The following CANX variants were observed in gnomAD, a reference collection of about 807,000 sequenced individuals.
CANX encodes calnexin.
CANX carries 14 observed loss-of-function variants against 75.7 expected under a neutral mutation model. The ratio of observed to expected loss-of-function variants is 0.19; its 90% CI spans 0.12 to 0.29. CANX has a LOEUF of 0.29. CANX is among the 10% of genes least tolerant of loss of function. The pLI, the probability that CANX is intolerant of heterozygous loss-of-function variation, is 1.00. For missense variants in CANX, 567 were observed against 713.2 expected (o/e 0.79, Z 2.34); for synonymous variants, 227 against 236.9 (o/e 0.96, Z 0.38).
At chr5:179,691,851 C>T (rs577691823) in intron 1 of CANX, among the ~76,000 whole-genome samples, 6 of 152,084 alleles carry the variant, frequency 3.9e-5, no homozygotes, top group Non-Finnish European at 8.8e-5. Flanking sequence ...GAACTCAGCT[C>T]ACTGCAAGCT....
intron 1 of CANX, among the ~76,000 whole-genome samples, chr5:179,684,685 G>A (rs1172559100): frequency 2.0e-5 from 3 of 151,560 alleles, no homozygotes; most frequent in African/African-American, 4.8e-5. Context: ...CTAAATTGTG[G>A]GGTTTTTGCT....
chr5:179,694,772 A>G, upstream of CANX: 2 of 570,240 alleles, frequency 3.5e-6, no homozygotes, highest in Non-Finnish European at 3.1e-6. Flanking sequence ...TGAATAAACA[A>G]AGTGTTTATC....
upstream of CANX, among the ~76,000 whole-genome samples, chr5:179,697,158 G>A (rs1367697550): frequency 6.6e-6 from 1 of 152,054 alleles, no homozygotes; most frequent in Non-Finnish European, 1.5e-5. Flanking sequence ...TCAATCAGGA[G>A]TCAAGGATAC....
chr5:179,711,857 G>A (rs2113182902), intron 7 of CANX, among the ~76,000 whole-genome samples: 1 of 151,452 alleles, frequency 6.6e-6, no homozygotes, highest in East Asian at 1.9e-4. Context: ...CAGCACGATG[G>A]GAGGCTGAGG....
At chr5:179,688,597 T>G (rs1343434552) in intron 1 of CANX, among the ~76,000 whole-genome samples, 1 of 151,066 alleles carries the variant, frequency 6.6e-6, no homozygotes, top group Non-Finnish European at 1.5e-5. Context: ...TCTCCTGACC[T>G]TGTGATCCAC....
intron 1 of CANX, among the ~76,000 whole-genome samples, chr5:179,684,930 T>A (rs1172550861): frequency 8.4e-6 from 1 of 118,868 alleles, no homozygotes; most frequent in Non-Finnish European, 1.8e-5. Context: ...TTTTGTATTT[T>A]TTTTTTTTTT....
Position 179,699,005 on chromosome 5 carries a change from G to A in CANX, c.-101G>A, listed in dbSNP as rs914959743. ...GCCTCTTGGTTCTGCGGCACGTGACGGTCGGGCCGCCTCCGCCTCTCTCTT... is the reference window on the plus strand; with the variant it reads ...GCCTCTTGGTTCTGCGGCACGTGACAGTCGGGCCGCCTCCGCCTCTCTCTT... On this transcript the variant is annotated 5_prime_UTR_variant, in exon 1 of 15. Transcript: ENST00000247461. 2 of 1,120,194 alleles carry A rather than the reference G, an allele frequency of 1.8e-6. No homozygotes were observed. Among genetic ancestry groups the A allele is most frequent in the African/African-American group, 1.7e-5 (1 of 57,944 alleles). The allele number at this position is 1,120,194 out of a possible 1,614,324, so 69.4% of individuals were successfully genotyped here. A position where few individuals can be genotyped will look rare whatever the true frequency, so the allele number is the denominator to read the frequency against.
At chr5:179,680,624 G>A (rs1208854528) in intron 1 of CANX, among the ~76,000 whole-genome samples, 1 of 152,066 alleles carries the variant, frequency 6.6e-6, no homozygotes, top group East Asian at 1.9e-4. Context: ...TGTGCCCTCA[G>A]GAAGTCCAAA....
At chr5:179,702,636 T>C (rs1776850438) in intron 1 of CANX, among the ~76,000 whole-genome samples, 1 of 152,164 alleles carries the variant, frequency 6.6e-6, no homozygotes, top group African/African-American at 2.4e-5. Context: ...CTGTTGTGAG[T>C]AGTACTGCTA....
At chr5:179,714,102 G>A (rs1245120747) in intron 7 of CANX, among the ~76,000 whole-genome samples, 1 of 151,844 alleles carries the variant, frequency 6.6e-6, no homozygotes, top group East Asian at 2.0e-4. Flanking sequence ...GGGTTCAAGC[G>A]ATTCTCCTGC....
chr5:179,681,944 TAA>T (rs58981244), intron 1 of CANX, among the ~76,000 whole-genome samples: 339 of 125,250 alleles, frequency 2.7e-3, no homozygotes, highest in African/African-American at 3.7e-3. Context: ...ACCCTGTGTT[TAA>T]AAAAAAAAAA....
chr5:179,707,452 C>T (rs1777211550), intron 4 of CANX, among the ~76,000 whole-genome samples: 2 of 152,128 alleles, frequency 1.3e-5, no homozygotes, highest in East Asian at 1.9e-4. Flanking sequence ...GGCGTGGCAG[C>T]GTGCATCTGT....
At chr5:179,702,948 T>C (rs1442339712) in intron 1 of CANX, among the ~76,000 whole-genome samples, 1 of 152,154 alleles carries the variant, frequency 6.6e-6, no homozygotes, top group East Asian at 1.9e-4. Context: ...TTTGTGTTTT[T>C]AGTAGAGACA....
chr5:179,722,770 C>G, intron 10 of CANX, 34 bp from the exon 11 acceptor site: 1 of 1,467,486 alleles, frequency 6.8e-7, no homozygotes, highest in Admixed American at 1.8e-5. Context: ...TGATCATTAT[C>G]TGAAATGATT....
At position 179,705,983 on chromosome 5, in the gene CANX, C is replaced by T. The variant is rs980078199; in HGVS notation, c.171+131C>T. 17 of 687,116 alleles carry T rather than the reference C, an allele frequency of 2.5e-5. No homozygotes were observed. The East Asian group carries it at 4.4e-4, about 18-fold the overall frequency. The allele number at this position is 687,116 out of a possible 1,614,324, so 42.6% of individuals were successfully genotyped here. A position where few individuals can be genotyped will look rare whatever the true frequency, so the allele number is the denominator to read the frequency against. On this transcript the variant is annotated intron_variant, in intron 2 of 14. Transcript: ENST00000247461. Reference sequence around the variant, plus strand: ...GACAGGAGTGTGAGTCCAGCCTTGGCAACACAGGGAGATATCATCTCTAAT... The same window carrying T: ...GACAGGAGTGTGAGTCCAGCCTTGGTAACACAGGGAGATATCATCTCTAAT...
In CANX at chr5:179,723,787, G is replaced by GTTTT; in HGVS notation, c.1518+16_1518+19dup. ...TTCTGCTGTTCTGGAAAGGTAGGAAGTTTTTTTTTTTAGAATCAATTTTAG... is the reference window on the plus strand; with the variant it reads ...TTCTGCTGTTCTGGAAAGGTAGGAAGTTTTTTTTTTTTTTTAGAATCAATTTTAG... On this transcript the variant is annotated intron_variant, in intron 12 of 14. Transcript: ENST00000247461. 1 of 1,327,682 alleles carries GTTTT rather than the reference G, an allele frequency of 7.5e-7. No homozygotes were observed. The highest frequency in any genetic ancestry group is 1.0e-6 in the Non-Finnish European group (1 of 977,078). The allele number at this position is 1,327,682 out of a possible 1,614,324, so 82.2% of individuals were successfully genotyped here. A position where few individuals can be genotyped will look rare whatever the true frequency, so the allele number is the denominator to read the frequency against.
At chr5:179,686,246 C>G (rs28846185) in intron 1 of CANX, among the ~76,000 whole-genome samples, 1 of 150,764 alleles carries the variant, frequency 6.6e-6, no homozygotes, top group African/African-American at 2.4e-5. Flanking sequence ...TACAGGCACG[C>G]GCCACCACAC....
chr5:179,717,720 G>C (rs1200345178), intron 8 of CANX, among the ~76,000 whole-genome samples: 2 of 146,392 alleles, frequency 1.4e-5, no homozygotes, highest in Admixed American at 1.4e-4. Context: ...TTCTTTTCTT[G>C]CTTTTTTTTT....
intron 7 of CANX, 34 bp downstream of exon 7, chr5:179,710,099 A>G (rs1471036956): frequency 1.6e-6 from 2 of 1,224,834 alleles, no homozygotes; most frequent in East Asian, 4.7e-5. Flanking sequence ...GGCTTATGGT[A>G]TTACATATAT....
Sources: allele counts gnomAD v4.1 joint callset (sites outside exome capture counted in the v4.1 genomes callset), GRCh38; gene constraint gnomAD v4.1.1; transcripts MANE v1.5; gene names NCBI Gene and HGNC (gene_info 2026-07-23, HGNC 2026-07-21).